DLC1: variants seen among roughly 807,000 people sequenced by gnomAD.
The protein encoded by DLC1 is rho GTPase-activating protein 7.
A neutral mutation model predicts 140.3 loss-of-function variants in DLC1; 54 were observed. That is an observed-to-expected ratio of 0.38 (90% CI 0.31 to 0.48). The LOEUF is 0.48. DLC1 is among the 20% of genes least tolerant of loss of function. The pLI is 0.96. For synonymous variants in DLC1, 986 were observed against 728.1 expected (o/e 1.35, Z -5.70); for missense variants, 2,536 against 1,907.0 (o/e 1.33, Z -6.14).
At chr8:13,445,883 G>C (rs1228933991) in intron 2 of DLC1, among the ~76,000 whole-genome samples, 1 of 151,962 alleles carries the variant, frequency 6.6e-6, no homozygotes, top group African/African-American at 2.4e-5. Context: ...CAAAGAAATA[G>C]ACATTTTAGA....
At chr8:13,223,475 A>C (rs941654357) in intron 5 of DLC1, among the ~76,000 whole-genome samples, 5 of 152,240 alleles carry the variant, frequency 3.3e-5, no homozygotes, top group Admixed American at 2.0e-4. Flanking sequence ...GAAATGGAAC[A>C]AAGATTAAAA....
intron 1 of DLC1, among the ~76,000 whole-genome samples, chr8:13,544,945 G>A (rs1803605358): frequency 6.6e-6 from 1 of 152,084 alleles, no homozygotes; most frequent in Admixed American, 6.6e-5. Flanking sequence ...CTTCAGGGGG[G>A]CACTATTTAC....
intron 5 of DLC1, among the ~76,000 whole-genome samples, chr8:13,123,741 G>C (rs887551404): frequency 6.6e-6 from 1 of 152,120 alleles, no homozygotes. Context: ...AGCTCCAAAA[G>C]GGCAAGCTTC....
chr8:13,575,543 G>C (rs1163390255), intron 1 of DLC1, among the ~76,000 whole-genome samples: 2 of 152,100 alleles, frequency 1.3e-5, no homozygotes, highest in African/African-American at 4.8e-5. Context: ...AGCTAGCACA[G>C]ATATGGGGCA....
chr8:13,322,670 T>C (rs991903437), intron 4 of DLC1, among the ~76,000 whole-genome samples: 3 of 152,222 alleles, frequency 2.0e-5, no homozygotes, highest in African/African-American at 4.8e-5. Flanking sequence ...ATATGCTATG[T>C]TTCTTTTGGA....
At chr8:13,349,376 A>G (rs971202401) in intron 4 of DLC1, among the ~76,000 whole-genome samples, 4 of 152,200 alleles carry the variant, frequency 2.6e-5, no homozygotes, top group African/African-American at 9.7e-5. Context: ...CTCAAAACAC[A>G]TTATAGCGAA....
chr8:13,569,688 G>A (rs1804578237), intron 1 of DLC1, among the ~76,000 whole-genome samples: 1 of 152,092 alleles, frequency 6.6e-6, no homozygotes, highest in Non-Finnish European at 1.5e-5. Context: ...CCAAATGTCA[G>A]CATACAGTTC....
intron 5 of DLC1, among the ~76,000 whole-genome samples, chr8:13,221,447 T>G (rs1476285724): frequency 2.6e-5 from 4 of 151,458 alleles, no homozygotes. Flanking sequence ...CTCAGCTCAC[T>G]GCACCTTCCA....
At chr8:13,210,003 A>T (rs1344007829) in intron 5 of DLC1, among the ~76,000 whole-genome samples, 1 of 152,188 alleles carries the variant, frequency 6.6e-6, no homozygotes, top group African/African-American at 2.4e-5. Context: ...AAAATCAGTT[A>T]TGACCTTTGA....
At chr8:13,171,725 A>T (rs946986089) in intron 5 of DLC1, among the ~76,000 whole-genome samples, 14 of 152,158 alleles carry the variant, frequency 9.2e-5, no homozygotes, top group African/African-American at 3.1e-4. Context: ...ACAGAGGAGA[A>T]AGTGGACTTC....
intron 1 of DLC1, among the ~76,000 whole-genome samples, chr8:13,562,748 A>C (rs1032933575): frequency 3.3e-5 from 5 of 152,202 alleles, no homozygotes; most frequent in African/African-American, 7.2e-5. Flanking sequence ...CACAGATACA[A>C]AGCAAATTTT....
At chr8:13,456,318 C>A (rs1799388214) in intron 2 of DLC1, among the ~76,000 whole-genome samples, 1 of 152,138 alleles carries the variant, frequency 6.6e-6, no homozygotes, top group Non-Finnish European at 1.5e-5. Context: ...TGGATACCAG[C>A]CAATAGTTTC....
rs138452639 is a variant in DLC1 at position 13,491,982 on chromosome 8, A to G, written c.1023+7067T>C. Among the ~76,000 whole-genome samples the G allele has an allele frequency of 4.6e-3, 701 of 152,316 alleles. 6 individuals carry two copies. Among genetic ancestry groups the G allele is most frequent in the African/African-American group, 0.016 (674 of 41,576 alleles). The stretch of plus-strand genomic sequence containing the variant: ...CTCAGTGAGCTACATTTTAGTTAGC[A>G]ATGGTGGAATCAATTGGATTCCAAT... On this transcript the variant is annotated intron_variant, in intron 2 of 17. Transcript: ENST00000276297.
At chr8:13,373,760 A>G (rs2117127636) in intron 4 of DLC1, among the ~76,000 whole-genome samples, 1 of 152,306 alleles carries the variant, frequency 6.6e-6, no homozygotes, top group Non-Finnish European at 1.5e-5. Flanking sequence ...AACCTCACTG[A>G]ATCTTCATGA....
At position 13,084,299 on chromosome 8, in the gene DLC1, G is replaced by C. The variant is rs1817378653; in HGVS notation, c.*1512C>G. ...TACTCAAATTTTAAAACTCTAATCTGATGCCCTGCCCCAAAATTCTTCAAA... is the reference window on the plus strand; with the variant it reads ...TACTCAAATTTTAAAACTCTAATCTCATGCCCTGCCCCAAAATTCTTCAAA... On this transcript the variant is annotated 3_prime_UTR_variant, in exon 18 of 18. Coordinates refer to ENST00000276297, the MANE Select transcript of DLC1 (RefSeq NM_182643.3). 1 of 152,544 alleles carries C rather than the reference G, an allele frequency of 6.6e-6. No homozygotes were observed. The highest frequency in any genetic ancestry group is 6.5e-5 in the Admixed American group (1 of 15,270). The allele number at this position is 152,544 out of a possible 1,614,324, so 9.4% of individuals were successfully genotyped here.
chr8:13,383,966 G>T (rs1228747363), intron 4 of DLC1, among the ~76,000 whole-genome samples: 2 of 152,154 alleles, frequency 1.3e-5, no homozygotes, highest in African/African-American at 4.8e-5. Flanking sequence ...GAGATTAGCT[G>T]CATAACAACC....
At chr8:13,092,056 C>G (rs968116694) in intron 13 of DLC1, among the ~76,000 whole-genome samples, 1 of 152,112 alleles carries the variant, frequency 6.6e-6, no homozygotes, top group East Asian at 1.9e-4. Context: ...ACCAGCCTGG[C>G]CAACATGGTG....
At chr8:13,323,979 G>A (rs1486737480) in intron 4 of DLC1, among the ~76,000 whole-genome samples, 1 of 152,178 alleles carries the variant, frequency 6.6e-6, no homozygotes, top group Admixed American at 6.5e-5. Context: ...GTGTCCCCAT[G>A]TCCTTAATGC....
rs558659941 is a variant in DLC1, at chr8:13,123,595, G to A, written c.1349-7938C>T. Among the ~76,000 whole-genome samples the A allele has an allele frequency of 1.1e-4, 17 of 151,180 alleles. No individual in the cohort carries two copies. In the South Asian group the frequency reaches 1.3e-3, roughly 11 times the overall value. ...ATTCCTGACCTCAAGTGATCTGCCT[G>A]CCTCGGCCTCCCTCCCAAAGTGTGG... On this transcript the variant is annotated intron_variant, in intron 5 of 17. Transcript: ENST00000276297.
Sources: allele counts gnomAD v4.1 joint callset (sites outside exome capture counted in the v4.1 genomes callset), GRCh38; gene constraint gnomAD v4.1.1; transcripts MANE v1.5; gene names NCBI Gene and HGNC (gene_info 2026-07-23, HGNC 2026-07-21).